Variants in C5orf24 observed in about 807,000 individuals in gnomAD.
The protein encoded by C5orf24 is UPF0461 protein C5orf24.
C5orf24 carries 4 observed loss-of-function variants against 9.8 expected under a neutral mutation model. The observed-to-expected ratio is 0.41, with a 90% CI of 0.20 to 0.93. The LOEUF is 0.93. C5orf24 is among the 40% of genes least tolerant of loss of function. The pLI, the probability that C5orf24 is intolerant of heterozygous loss-of-function variation, is 0.33. For missense variants in C5orf24, 170 were observed against 236.9 expected, an observed-to-expected ratio of 0.72 and a Z score of 1.85; for synonymous variants, 73 against 81.3, an observed-to-expected ratio of 0.90 and a Z score of 0.55.
At position 134,855,568 on chromosome 5, in the gene C5orf24, T is replaced by C; in HGVS notation, c.*101T>C. 1.3e-6 allele frequency: 2 copies of C among 1,513,234 alleles called. No homozygotes were observed. Among genetic ancestry groups the C allele is most frequent in the Non-Finnish European group, 8.8e-7 (1 of 1,136,098 alleles). The allele number at this position is 1,513,234 out of a possible 1,614,324, so 93.7% of individuals were successfully genotyped here. ...ATACATAATTTTATGGCCTGGGCTT[T>C]CCAAATTTGTTTTCCTGTTTGGTTT... is the stretch of plus-strand genomic sequence containing the variant. On this transcript the variant is annotated 3_prime_UTR_variant, in exon 2 of 2. Coordinates refer to ENST00000394976, the MANE Select transcript of C5orf24 (RefSeq NM_001135586.1).
upstream of C5orf24, among the ~76,000 whole-genome samples, chr5:134,843,940 A>G (rs1755936341): frequency 6.6e-6 from 1 of 152,252 alleles, no homozygotes; most frequent in South Asian, 2.1e-4. Flanking sequence ...TTACATGTGG[A>G]AACTTTTGGT....
At position 134,859,481 on chromosome 5, in the gene C5orf24, CT is replaced by C. The variant is rs1232585481; in HGVS notation, c.*4017del. The C allele has an allele frequency of 6.0e-6, 1 of 166,816 alleles. No homozygotes were observed. The highest frequency in any genetic ancestry group is 2.4e-5 in the African/African-American group (1 of 41,390). The allele number at this position is 166,816 out of a possible 1,614,324, so 10.3% of individuals were successfully genotyped here. ...TGTGTGATTTAAAGTAATCAGATCA[CT>C]TTGATTCTTTTAAGTTTTCAGAATT... On this transcript the variant is annotated 3_prime_UTR_variant, in exon 2 of 2. Coordinates refer to ENST00000394976, the MANE Select transcript of C5orf24 (RefSeq NM_001135586.1).
chr5:134,848,094 C>T (rs1346556751), intron 1 of C5orf24, among the ~76,000 whole-genome samples: 1 of 151,822 alleles, frequency 6.6e-6, no homozygotes, highest in Admixed American at 6.6e-5. Context: ...AGGCGGATCA[C>T]GAGGTCAGGA....
upstream of C5orf24, among the ~76,000 whole-genome samples, chr5:134,841,432 A>G (rs1262244103): frequency 6.6e-6 from 1 of 152,086 alleles, no homozygotes; most frequent in Non-Finnish European, 1.5e-5. Flanking sequence ...TCTACTAAAA[A>G]TACAAAAAGC....
In C5orf24 at chr5:134,858,641, A is replaced by T. The variant is rs1756372374; in HGVS notation, c.*3174A>T. 1 of 167,018 alleles carries T rather than the reference A, an allele frequency of 6.0e-6. No homozygotes were observed. Among genetic ancestry groups the T allele is most frequent in the African/African-American group, 2.4e-5 (1 of 41,470 alleles). The allele number at this position is 167,018 out of a possible 1,614,324, so 10.3% of individuals were successfully genotyped here. On this transcript the variant is annotated 3_prime_UTR_variant, in exon 2 of 2. Coordinates refer to ENST00000394976, the MANE Select transcript of C5orf24 (RefSeq NM_001135586.1). ...AGTCTGCATTACTTTTTTCTTTAAA[A>T]AGTACTTTAACATGCCTTATTTATT...
At chr5:134,853,755 T>G (rs539001970) in intron 1 of C5orf24, among the ~76,000 whole-genome samples, 1 of 152,204 alleles carries the variant, frequency 6.6e-6, no homozygotes, top group Admixed American at 6.5e-5. Context: ...ATGTTGTACA[T>G]TCAACTTTTT....
Position 134,857,714 on chromosome 5 carries a change from T to C in C5orf24, c.*2247T>C, listed in dbSNP as rs1756351454. On this transcript the variant is annotated 3_prime_UTR_variant, in exon 2 of 2. Transcript: ENST00000394976. ...CTACTCTGTACATGTATCTGTCATT[T>C]AGCTGTTTCTCAAGATGATGTTCAG... The C allele has an allele frequency of 1.2e-5, 3 of 246,246 alleles. No homozygotes were observed. The highest frequency in any genetic ancestry group is 2.5e-5 in the Non-Finnish European group (3 of 121,446). 15.3% of individuals were successfully genotyped at this position (246,246 alleles called of 1,614,324 possible). A position where few individuals can be genotyped will look rare whatever the true frequency, so the allele number is the denominator to read the frequency against.
the C5orf24 span, among the ~76,000 whole-genome samples, chr5:134,838,055 T>C: frequency 1.3e-5 from 2 of 152,156 alleles, no homozygotes; most frequent in African/African-American, 4.8e-5. Flanking sequence ...AAGACCAGTC[T>C]GATCAATATA....
chr5:134,845,001 G>C (rs1305949435), upstream of C5orf24, among the ~76,000 whole-genome samples: 3 of 152,200 alleles, frequency 2.0e-5, no homozygotes, highest in Non-Finnish European at 4.4e-5. Context: ...CTCCCAAAGT[G>C]CTGGGATTAC....
intron 1 of C5orf24, among the ~76,000 whole-genome samples, chr5:134,850,919 C>CATAT (rs201093286): frequency 0.013 from 1,863 of 140,462 alleles, 42 homozygotes; most frequent in African/African-American, 0.045. Context: ...TATGAATGTT[C>CATAT]ATATATATAT....
rs964471657 is a variant in C5orf24, at chr5:134,850,639, A to AT, written c.-3-4250dup. On this transcript the variant is annotated intron_variant, in intron 1 of 1. Transcript: ENST00000394976. ...AGGCGTGCACCACTACACCAGGCTA[A>AT]TTTTTTTTTGTATTTTTAGTAGAGA... Among the ~76,000 whole-genome samples, 50 of 149,562 alleles carry AT rather than the reference A, an allele frequency of 3.3e-4. 1 individual carries two copies. The highest frequency in any genetic ancestry group is 1.0e-3 in the African/African-American group (42 of 40,634).
the C5orf24 span, among the ~76,000 whole-genome samples, chr5:134,838,678 C>T: frequency 8.6e-5 from 13 of 151,914 alleles, no homozygotes; most frequent in Non-Finnish European, 1.8e-4. Flanking sequence ...GGCACAGTGG[C>T]TCATCCCTAT....
rs188596864 is a variant in C5orf24 at position 134,856,288 on chromosome 5, G to T, written c.*821G>T. ...ATAATAGAAAAAGAAGCATTCTCTA[G>T]GTTTGCATGTAGCTATAGTCACTAT... On this transcript the variant is annotated 3_prime_UTR_variant, in exon 2 of 2. Coordinates refer to ENST00000394976, the MANE Select transcript of C5orf24 (RefSeq NM_001135586.1). 1.0e-5 allele frequency: 10 copies of T among 995,254 alleles called. No individual in the cohort carries two copies. In the East Asian group the frequency reaches 9.1e-4, roughly 91 times the overall value. The allele number at this position is 995,254 out of a possible 1,614,324, so 61.7% of individuals were successfully genotyped here. A position where few individuals can be genotyped will look rare whatever the true frequency, so the allele number is the denominator to read the frequency against.
rs1453267107 is a variant in C5orf24 at position 134,855,026 on chromosome 5, C to T, written c.126C>T (p.Tyr42=). The T allele has an allele frequency of 6.2e-7, 1 of 1,614,030 alleles. No homozygotes were observed. The highest frequency in any genetic ancestry group is 1.3e-5 in the African/African-American group (1 of 74,912). Residue 42 remains tyrosine (Y), a synonymous_variant, in exon 2 of 2, where the codon TAC becomes TAT. Coordinates refer to ENST00000394976, the MANE Select transcript of C5orf24 (RefSeq NM_001135586.1). ...TATATTCCTCCCAGCAAAGCAAATACAGCCACACAGTCAACCACAAACCAA... is the reference window on the plus strand; with the variant it reads ...TATATTCCTCCCAGCAAAGCAAATATAGCCACACAGTCAACCACAAACCAA... ...FDIYSSQQSK[Y]SHTVNHKPMV...
Position 134,857,345 on chromosome 5 carries a change from C to T in C5orf24, c.*1878C>T, listed in dbSNP as rs1274947866. On this transcript the variant is annotated 3_prime_UTR_variant, in exon 2 of 2. Coordinates refer to ENST00000394976, the MANE Select transcript of C5orf24 (RefSeq NM_001135586.1). ...TGCAAATGGATGTCATGTTTCATACCTTTTTTATCAGGAAAAAAGCAGCAA... is the reference window on the plus strand; with the variant it reads ...TGCAAATGGATGTCATGTTTCATACTTTTTTTATCAGGAAAAAAGCAGCAA... 5.8e-6 allele frequency: 9 copies of T among 1,545,564 alleles called. No homozygotes were observed. The highest frequency in any genetic ancestry group is 7.9e-6 in the Non-Finnish European group (9 of 1,143,800).
chr5:134,841,214 G>A (rs2150169716), upstream of C5orf24, among the ~76,000 whole-genome samples: 2 of 152,080 alleles, frequency 1.3e-5, no homozygotes, highest in Middle Eastern at 6.8e-3. Flanking sequence ...TTCATCAGAG[G>A]TAAAAATAAC....
At chr5:134,854,657 A>C (rs1046784237) in intron 1 of C5orf24, among the ~76,000 whole-genome samples, 3 of 152,234 alleles carry the variant, frequency 2.0e-5, no homozygotes, top group African/African-American at 7.2e-5. Context: ...TATAGCTATG[A>C]AATCAGTATT....
chr5:134,853,504 A>ACTT (rs1000653374), intron 1 of C5orf24, among the ~76,000 whole-genome samples: 8 of 144,974 alleles, frequency 5.5e-5, no homozygotes, highest in African/African-American at 2.0e-4. Context: ...CAAAATAGAG[A>ACTT]CTTTGGACCT....
the C5orf24 span, among the ~76,000 whole-genome samples, chr5:134,840,593 A>AAT: frequency 1.3e-5 from 2 of 152,056 alleles, no homozygotes; most frequent in African/African-American, 4.8e-5. Context: ...AAGTACAGTC[A>AAT]CGTGATTACA....
Sources: allele counts gnomAD v4.1 joint callset (sites outside exome capture counted in the v4.1 genomes callset), GRCh38; gene constraint gnomAD v4.1.1; transcripts MANE v1.5; gene names NCBI Gene and HGNC (gene_info 2026-07-23, HGNC 2026-07-21).